The following ZNF536 variants were observed in gnomAD, a reference collection of about 807,000 sequenced individuals.
ZNF536 encodes zinc finger protein 536.
Under a neutral mutation model 84.5 loss-of-function variants are expected in ZNF536, and 13 were observed. That is an observed-to-expected ratio of 0.15 (90% CI 0.10 to 0.24). ZNF536 has a LOEUF of 0.24. Ranked by LOEUF, ZNF536 falls within the 10% of genes least tolerant of loss-of-function variation. The probability of loss-of-function intolerance (pLI) is 1.00; values close to 1 mark genes in which losing one functional copy is unlikely to be tolerated. For synonymous variants in ZNF536, 811 were observed against 742.5 expected (o/e 1.09, Z -1.50); for missense variants, 1,536 against 1,747.5 (o/e 0.88, Z 2.16).
intron 1 of ZNF536, among the ~76,000 whole-genome samples, chr19:30,443,270 G>A (rs74378962): frequency 0.011 from 1,731 of 152,246 alleles, 12 homozygotes; most frequent in Non-Finnish European, 0.016. Flanking sequence ...TTGTTATTAG[G>A]TGTTGAAAGT....
chr19:30,486,804 A>T (rs1196440709), intron 2 of ZNF536, among the ~76,000 whole-genome samples: 2 of 152,100 alleles, frequency 1.3e-5, no homozygotes, highest in Non-Finnish European at 2.9e-5. Context: ...ATAATAACTC[A>T]TCTCATCTGT....
chr19:30,263,905 C>A (rs2025360411), intron 1 of ZNF536, among the ~76,000 whole-genome samples: 1 of 150,414 alleles, frequency 6.6e-6, no homozygotes, highest in African/African-American at 2.5e-5. Flanking sequence ...CACACACACC[C>A]TACACACACG....
At chr19:30,449,132 C>T (rs1257150910) in intron 2 of ZNF536, among the ~76,000 whole-genome samples, 1 of 152,168 alleles carries the variant, frequency 6.6e-6, no homozygotes, top group East Asian at 1.9e-4. Flanking sequence ...CAAAACTAGT[C>T]ACACAGATCA....
At chr19:30,263,100 GA>G (rs1328828182) in intron 1 of ZNF536, among the ~76,000 whole-genome samples, 1 of 152,162 alleles carries the variant, frequency 6.6e-6, no homozygotes, top group Admixed American at 6.5e-5. Flanking sequence ...CCCCGAGAAG[GA>G]GGTGGGAGGA....
In ZNF536 at chr19:30,454,436, G is replaced by A. The variant is rs145679528; in HGVS notation, c.2170+8704G>A. 4.4e-3 allele frequency among the ~76,000 whole-genome samples: 669 copies of A among 152,322 alleles called. 8 individuals carry two copies. Among genetic ancestry groups the A allele is most frequent in the African/African-American group, 0.015 (626 of 41,560 alleles). ...TCTGGAACATGTTCAACATGTTAAC[G>A]TTGAGTTCAACATGAAGTGTATGCA... On this transcript the variant is annotated intron_variant, in intron 2 of 4. Transcript: ENST00000355537.
At chr19:30,480,907 C>T (rs567554195) in intron 2 of ZNF536, among the ~76,000 whole-genome samples, 15 of 151,650 alleles carry the variant, frequency 9.9e-5, no homozygotes, top group Admixed American at 5.9e-4. Flanking sequence ...ATGGTGGATG[C>T]GGCTGTAATT....
chr19:30,634,974 T>A (rs560762753), intron 1 of ZNF536, among the ~76,000 whole-genome samples: 1 of 152,350 alleles, frequency 6.6e-6, no homozygotes, highest in East Asian at 1.9e-4. Context: ...GTTCTGCTTT[T>A]CTAACACTCA....
At chr19:30,541,305 T>G (rs746486096) in intron 3 of ZNF536, among the ~76,000 whole-genome samples, 15 of 151,836 alleles carry the variant, frequency 9.9e-5, no homozygotes, top group Non-Finnish European at 2.1e-4. Context: ...CAAAAAGGAA[T>G]CAGTTAAAAT....
intron 1 of ZNF536, among the ~76,000 whole-genome samples, chr19:30,635,147 C>T (rs886723039): frequency 5.9e-5 from 9 of 152,076 alleles, no homozygotes; most frequent in Non-Finnish European, 8.8e-5. Context: ...CATGCACATT[C>T]GGCTGGTGTC....
chr19:30,260,243 A>G (rs1318315265), intron 1 of ZNF536, among the ~76,000 whole-genome samples: 1 of 152,244 alleles, frequency 6.6e-6, no homozygotes, highest in African/African-American at 2.4e-5. Context: ...AGGTCAGTGT[A>G]AAGTGTCTGT....
intron 2 of ZNF536, among the ~76,000 whole-genome samples, chr19:30,483,858 G>C (rs1487728961): frequency 6.6e-6 from 1 of 151,972 alleles, no homozygotes; most frequent in Non-Finnish European, 1.5e-5. Flanking sequence ...GTGCCTCTTG[G>C]TCCCCACAGT....
At chr19:30,306,299 G>C (rs2046342133) in intron 2 of ZNF536, among the ~76,000 whole-genome samples, 1 of 151,194 alleles carries the variant, frequency 6.6e-6, no homozygotes, top group South Asian at 2.1e-4. Context: ...GGAATTCCCA[G>C]GACTCAGTAA....
intron 2 of ZNF536, among the ~76,000 whole-genome samples, chr19:30,331,027 A>G (rs907798416): frequency 1.3e-5 from 2 of 152,116 alleles, no homozygotes; most frequent in Non-Finnish European, 2.9e-5. Context: ...TTCACCTGTA[A>G]TCCCAGCAAT....
intron 1 of ZNF536, among the ~76,000 whole-genome samples, chr19:30,573,493 C>T (rs957994725): frequency 5.9e-5 from 9 of 152,200 alleles, no homozygotes; most frequent in African/African-American, 1.4e-4. Context: ...TTGCACATTC[C>T]CCCCATTCCT....
chr19:30,691,731 A>G, intron 1 of ZNF536, among the ~76,000 whole-genome samples: 1 of 152,000 alleles, frequency 6.6e-6, no homozygotes, highest in Non-Finnish European at 1.5e-5. Context: ...GCATCATCAG[A>G]GTTTTAAAAG....
chr19:30,475,816 C>T (rs1276461610), intron 2 of ZNF536, among the ~76,000 whole-genome samples: 1 of 152,174 alleles, frequency 6.6e-6, no homozygotes, highest in Non-Finnish European at 1.5e-5. Context: ...GATGAGGGGT[C>T]CCCCTTTCTC....
At chr19:30,611,209 A>G (rs1365484095) in intron 1 of ZNF536, among the ~76,000 whole-genome samples, 1 of 152,206 alleles carries the variant, frequency 6.6e-6, no homozygotes, top group Non-Finnish European at 1.5e-5. Context: ...ATCCTCCAAG[A>G]TGATGGGAAG....
At chr19:30,342,744 GA>G (rs769356981) in intron 2 of ZNF536, among the ~76,000 whole-genome samples, 1 of 152,108 alleles carries the variant, frequency 6.6e-6, no homozygotes, top group Non-Finnish European at 1.5e-5. Flanking sequence ...AATTATTGAG[GA>G]AAAAAACTCT....
intron 1 of ZNF536, among the ~76,000 whole-genome samples, chr19:30,673,775 T>A (rs558387574): frequency 6.6e-6 from 1 of 152,298 alleles, no homozygotes; most frequent in East Asian, 1.9e-4. Flanking sequence ...AGGTTCCCCA[T>A]GTTTATAGGT....
Sources: allele counts gnomAD v4.1 joint callset (sites outside exome capture counted in the v4.1 genomes callset), GRCh38; gene constraint gnomAD v4.1.1; transcripts MANE v1.5; gene names NCBI Gene and HGNC (gene_info 2026-07-23, HGNC 2026-07-21).